Variants in ASTN2 observed in about 807,000 individuals in gnomAD.
The protein encoded by ASTN2 is astrotactin-2.
In ASTN2, 54 loss-of-function variants were observed where a neutral mutation model predicts 139.8. That is an observed-to-expected ratio of 0.39 (90% CI 0.31 to 0.48). The LOEUF is 0.48. ASTN2 is among the 20% of genes least tolerant of loss of function. The probability of loss-of-function intolerance (pLI) is 0.95; values close to 1 mark genes in which losing one functional copy is unlikely to be tolerated. For synonymous variants in ASTN2, 756 were observed against 719.5 expected (o/e 1.05, Z -0.81); for missense variants, 1,565 against 1,725.1 (o/e 0.91, Z 1.64).
At chr9:116,600,817 G>A (rs766326211) in intron 19 of ASTN2, among the ~76,000 whole-genome samples, 14 of 151,924 alleles carry the variant, frequency 9.2e-5, no homozygotes, top group Non-Finnish European at 1.0e-4. Context: ...GCCACTGTGC[G>A]TGCTGTTTCC....
intron 1 of ASTN2, among the ~76,000 whole-genome samples, chr9:117,374,620 C>T (rs193051835): frequency 3.9e-5 from 6 of 152,208 alleles, no homozygotes; most frequent in African/African-American, 1.2e-4. Context: ...CAAAAGAAGG[C>T]ACCAAGTCTG....
At chr9:117,393,015 G>A (rs766681371) in intron 1 of ASTN2, among the ~76,000 whole-genome samples, 4 of 152,202 alleles carry the variant, frequency 2.6e-5, no homozygotes, top group African/African-American at 7.2e-5. Context: ...GACATTTGGA[G>A]TCACATTTGG....
chr9:117,052,370 G>A lies in ASTN2; in HGVS notation c.1277-12405C>T, dbSNP rs555580402. Among the ~76,000 whole-genome samples the A allele has an allele frequency of 2.7e-4, 40 of 150,836 alleles. 1 individual carries two copies. Among genetic ancestry groups the A allele is most frequent in the African/African-American group, 9.3e-4 (38 of 40,998 alleles). On this transcript the variant is annotated intron_variant, in intron 5 of 22. Transcript: ENST00000313400. ...CAGGAGAATGGTGTGAACCCAGGAG[G>A]CGGAGCTTGCAGTGAGCTATCACAC...
At chr9:117,021,167 T>C (rs569544445) in intron 6 of ASTN2, among the ~76,000 whole-genome samples, 1 of 152,250 alleles carries the variant, frequency 6.6e-6, no homozygotes, top group East Asian at 1.9e-4. Flanking sequence ...CTTGGCCTCC[T>C]AAAGTGTTGG....
chr9:117,285,009 T>C (rs982034641), intron 2 of ASTN2, among the ~76,000 whole-genome samples: 1 of 152,244 alleles, frequency 6.6e-6, no homozygotes. Context: ...ACATGTCAAG[T>C]ACAATCACAC....
At chr9:116,601,823 T>C (rs1854915786) in intron 19 of ASTN2, among the ~76,000 whole-genome samples, 2 of 152,148 alleles carry the variant, frequency 1.3e-5, no homozygotes, top group South Asian at 4.1e-4. Context: ...TGAATATAAT[T>C]AGGGGGTTCC....
intron 16 of ASTN2, among the ~76,000 whole-genome samples, chr9:116,670,484 A>AC (rs1266982865): frequency 1.3e-5 from 2 of 152,246 alleles, no homozygotes; most frequent in African/African-American, 4.8e-5. Flanking sequence ...AAAAGCAATA[A>AC]CATTTTCCTA....
rs79145615 is a variant in ASTN2, at chr9:116,863,381, A to C, written c.2040+202T>G. 3.5e-3 allele frequency among the ~76,000 whole-genome samples: 529 copies of C among 152,348 alleles called. 3 individuals carry two copies. The highest frequency in any genetic ancestry group is 4.3e-3 in the Non-Finnish European group (292 of 68,026). ...TTATAATATCTTGTTTCATTCTTCC[A>C]ACAATTCCAAGAGGTAGGTTTAATG... On this transcript the variant is annotated intron_variant, in intron 11 of 22. Transcript: ENST00000313400.
At chr9:117,170,762 T>C (rs1387952212) in intron 3 of ASTN2, among the ~76,000 whole-genome samples, 1 of 150,542 alleles carries the variant, frequency 6.6e-6, no homozygotes, top group African/African-American at 2.4e-5. Context: ...GGCTTGGCCG[T>C]ATCCCATTTC....
intron 16 of ASTN2, among the ~76,000 whole-genome samples, chr9:116,722,298 A>G (rs1828494864): frequency 6.6e-6 from 1 of 151,808 alleles, no homozygotes; most frequent in Non-Finnish European, 1.5e-5. Flanking sequence ...AAATGTTCAG[A>G]CAATCAATGA....
chr9:117,333,465 A>G (rs1484517391), intron 1 of ASTN2, among the ~76,000 whole-genome samples: 1 of 152,188 alleles, frequency 6.6e-6, no homozygotes, highest in Non-Finnish European at 1.5e-5. Context: ...AGACTCTAAA[A>G]TGATCTAGCC....
At chr9:116,882,574 G>A (rs1833477471) in intron 10 of ASTN2, among the ~76,000 whole-genome samples, 1 of 152,112 alleles carries the variant, frequency 6.6e-6, no homozygotes, top group African/African-American at 2.4e-5. Context: ...AAAAAACTGG[G>A]AGACTGCAAT....
At chr9:117,177,933 G>A (rs1051439886) in intron 3 of ASTN2, among the ~76,000 whole-genome samples, 28 of 152,244 alleles carry the variant, frequency 1.8e-4, no homozygotes, top group Non-Finnish European at 1.2e-4. Context: ...TTCACACTTA[G>A]AGGAGAATCC....
At chr9:117,209,265 A>G (rs60290563) in intron 3 of ASTN2, among the ~76,000 whole-genome samples, 2,640 of 152,274 alleles carry the variant, frequency 0.017, 69 homozygotes, top group African/African-American at 0.06. Context: ...ACAGGACAAA[A>G]GGATGAAAAA....
chr9:116,606,340 A>T (rs1855202101), intron 19 of ASTN2, among the ~76,000 whole-genome samples: 1 of 152,090 alleles, frequency 6.6e-6, no homozygotes, highest in Non-Finnish European at 1.5e-5. Context: ...AGGGAGGGAG[A>T]GTGAGCATTT....
At chr9:116,999,633 C>T (rs868715935) in intron 7 of ASTN2, among the ~76,000 whole-genome samples, 1 of 132,282 alleles carries the variant, frequency 7.6e-6, no homozygotes, top group Non-Finnish European at 1.6e-5. Context: ...AATCTCAGCT[C>T]ACTGCAACCT....
Position 116,698,883 on chromosome 9 carries a change from A to G in ASTN2, c.2806+26888T>C. On this transcript the variant is annotated intron_variant, in intron 16 of 22. Coordinates refer to ENST00000313400, the MANE Select transcript of ASTN2 (RefSeq NM_001365068.1). This position sits in a 1 kb window ranked among gnomAD's most constrained non-coding sequence, Gnocchi z 4.4. The stretch of plus-strand genomic sequence containing the variant: ...TCTTCCAGTCAGTCTCTACGTGACC[A>G]GTCAAGGTGAAGTACTAGTCGCTGA... The G allele has an allele frequency of 6.2e-7, 1 of 1,614,246 alleles. No homozygotes were observed. Among genetic ancestry groups the G allele is most frequent in the Non-Finnish European group, 8.5e-7 (1 of 1,180,046 alleles).
chr9:116,916,034 C>A (rs1157731972), intron 10 of ASTN2, among the ~76,000 whole-genome samples: 1 of 152,164 alleles, frequency 6.6e-6, no homozygotes, highest in African/African-American at 2.4e-5. Context: ...TTTGTCAGAA[C>A]TGAATTAAAT....
At chr9:116,607,769 G>A (rs2131784284) in intron 19 of ASTN2, among the ~76,000 whole-genome samples, 1 of 150,200 alleles carries the variant, frequency 6.7e-6, no homozygotes, top group South Asian at 2.1e-4. Flanking sequence ...AGACCATCCT[G>A]GCTAACACGG....
Sources: allele counts gnomAD v4.1 joint callset (sites outside exome capture counted in the v4.1 genomes callset), GRCh38; gene constraint gnomAD v4.1.1; non-coding constraint Gnocchi (gnomAD v3.1); transcripts MANE v1.5; gene names NCBI Gene and HGNC (gene_info 2026-07-23, HGNC 2026-07-21).